Variants in PCDHA11 observed in about 807,000 individuals in gnomAD.
PCDHA11 encodes protocadherin alpha-11.
PCDHA11 carries 61 observed loss-of-function variants against 70.3 expected under a neutral mutation model. That is an observed-to-expected ratio of 0.87 (90% CI 0.71 to 1.07). The LOEUF (loss-of-function observed/expected upper bound fraction) is 1.07. Ranked by LOEUF, PCDHA11 falls within the 50% of genes least tolerant of loss-of-function variation. The pLI is 0.00. For missense variants in PCDHA11, 1,324 were observed against 1,237.5 expected (o/e 1.07, Z -1.05); for synonymous variants, 633 against 555.1 (o/e 1.14, Z -1.97).
chr5:140,914,944 CTTTTTT>C (rs35695909), intron 1 of PCDHA11, among the ~76,000 whole-genome samples: 1 of 128,266 alleles, frequency 7.8e-6, no homozygotes, highest in Non-Finnish European at 1.7e-5. Flanking sequence ...GAAAAGTTGT[CTTTTTT>C]TTTTTTTTTT....
At chr5:140,883,719 C>T in intron 1 of PCDHA11, 1 of 1,613,598 alleles carries the variant, frequency 6.2e-7, no homozygotes, top group Non-Finnish European at 8.5e-7. Context: ...GACGCGGACG[C>T]ACAGGAGAAC....
At chr5:141,006,678 T>C (rs1554260866) in intron 3 of PCDHA11, among the ~76,000 whole-genome samples, 1 of 151,754 alleles carries the variant, frequency 6.6e-6, no homozygotes, top group Non-Finnish European at 1.5e-5. Flanking sequence ...GCAGTGAAAA[T>C]TGGGAGAAGA....
chr5:140,982,267 A>T, intron 2 of PCDHA11: 4 of 883,458 alleles, frequency 4.5e-6, no homozygotes, highest in Non-Finnish European at 6.5e-6. Context: ...GTGTTCCTGG[A>T]ATAGTATAGC....
intron 1 of PCDHA11, among the ~76,000 whole-genome samples, chr5:140,906,693 G>A (rs887867103): frequency 6.6e-6 from 1 of 152,082 alleles, no homozygotes; most frequent in African/African-American, 2.4e-5. Context: ...GAAGGATCTG[G>A]GCCATTTGTA....
intron 3 of PCDHA11, among the ~76,000 whole-genome samples, chr5:141,005,089 A>G (rs1554259886): frequency 6.6e-6 from 1 of 152,244 alleles, no homozygotes; most frequent in East Asian, 1.9e-4. Context: ...TTAGTACTTT[A>G]CATGCATTAC....
At chr5:140,982,415 A>C (rs1291195577) in intron 2 of PCDHA11, 60 bp from the exon 3 acceptor site, 1 of 1,610,020 alleles carries the variant, frequency 6.2e-7, no homozygotes, top group African/African-American at 1.3e-5. Flanking sequence ...CTGAGGGTGG[A>C]AGAAGAGATG....
At chr5:140,928,878 G>A (rs1563110550) in intron 1 of PCDHA11, 6 of 1,614,194 alleles carry the variant, frequency 3.7e-6, no homozygotes, top group Non-Finnish European at 4.2e-6. Flanking sequence ...CTGTCCCTCA[G>A]TTACTTCCAG....
At chr5:140,906,643 G>A (rs1049197869) in intron 1 of PCDHA11, among the ~76,000 whole-genome samples, 14 of 152,222 alleles carry the variant, frequency 9.2e-5, no homozygotes, top group South Asian at 4.1e-4. Context: ...TCAGCAGGTA[G>A]TGGTTTTTTC....
At chr5:140,923,221 TTTGAGCCCAGAA>T (rs1584298069) in intron 1 of PCDHA11, among the ~76,000 whole-genome samples, 1 of 71,862 alleles carries the variant, frequency 1.4e-5, no homozygotes, top group Non-Finnish European at 3.3e-5. Flanking sequence ...GAAAGGATCG[TTTGAGCCCAGAA>T]GTTTGAGACC....
intron 1 of PCDHA11, among the ~76,000 whole-genome samples, chr5:140,893,709 G>A (rs141117049): frequency 6.6e-6 from 1 of 152,250 alleles, no homozygotes; most frequent in East Asian, 1.9e-4. Flanking sequence ...AGCCTGTAAA[G>A]CTTCTGCTGA....
At chr5:140,926,512 C>T in intron 1 of PCDHA11, 1 of 197,914 alleles carries the variant, frequency 5.1e-6, no homozygotes. Context: ...GTCTCCCAGG[C>T]TCCGCCCTGC....
chr5:140,998,495 C>T (rs782386986), intron 3 of PCDHA11, among the ~76,000 whole-genome samples: 17 of 152,170 alleles, frequency 1.1e-4, no homozygotes, highest in Non-Finnish European at 1.9e-4. Context: ...TCTTTGAGAA[C>T]AGGGTACTTG....
intron 3 of PCDHA11, chr5:140,989,029 T>C (rs1179991724): frequency 6.6e-6 from 1 of 152,170 alleles, no homozygotes. Context: ...TCAGTTATCA[T>C]TGATTCCTTT....
Position 140,927,871 on chromosome 5 carries a change from C to T in PCDHA11, c.2392-51078C>T, listed in dbSNP as rs376396178. The T allele has an allele frequency of 5.6e-6, 9 of 1,614,048 alleles. No individual in the cohort carries two copies. In the African/African-American group the frequency reaches 1.2e-4, roughly 22 times the overall value. ...TGGTTTAGCTAGCACCGCTAAACTG[C>T]TGGTGGAGGTGACTGACGTGAACGA... On this transcript the variant is annotated intron_variant, in intron 1 of 3. Coordinates refer to ENST00000398640, the MANE Select transcript of PCDHA11 (RefSeq NM_018902.5).
intron 1 of PCDHA11, among the ~76,000 whole-genome samples, chr5:140,950,924 T>C (rs1316182193): frequency 2.6e-5 from 4 of 152,104 alleles, no homozygotes; most frequent in Non-Finnish European, 5.9e-5. Flanking sequence ...TTCAGTTCTT[T>C]TTCTTTTCTT....
intron 1 of PCDHA11, chr5:140,967,204 G>T: frequency 3.7e-6 from 6 of 1,613,634 alleles, no homozygotes; most frequent in Non-Finnish European, 5.1e-6. Context: ...ACAACTCACC[G>T]CGTTTCCCGC....
intron 3 of PCDHA11, among the ~76,000 whole-genome samples, chr5:141,005,923 G>A (rs1424300772): frequency 6.6e-6 from 1 of 151,914 alleles, no homozygotes; most frequent in East Asian, 1.9e-4. Context: ...CTTCAGCCTG[G>A]TTGACAGAGT....
chr5:140,876,195 G>A (rs1554168359), intron 1 of PCDHA11: 2 of 1,613,944 alleles, frequency 1.2e-6, no homozygotes, highest in Admixed American at 1.7e-5. Flanking sequence ...ATGGTCCGGC[G>A]TTTGATAAGC....
chr5:140,973,148 T>G (rs2096574239), intron 1 of PCDHA11, among the ~76,000 whole-genome samples: 1 of 152,210 alleles, frequency 6.6e-6, no homozygotes, highest in Non-Finnish European at 1.5e-5. Context: ...TTCACTTATT[T>G]TAAAGCAATT....
Sources: allele counts gnomAD v4.1 joint callset (sites outside exome capture counted in the v4.1 genomes callset), GRCh38; gene constraint gnomAD v4.1.1; transcripts MANE v1.5; gene names NCBI Gene and HGNC (gene_info 2026-07-23, HGNC 2026-07-21).